ZNF804B: variants seen among roughly 807,000 people sequenced by gnomAD.
ZNF804B encodes the protein zinc finger 804B.
A neutral mutation model predicts 101.4 loss-of-function variants in ZNF804B; 80 were observed. The ratio of observed to expected loss-of-function variants is 0.79; its 90% CI spans 0.66 to 0.95. The LOEUF (loss-of-function observed/expected upper bound fraction) is 0.95, where lower values mean the gene tolerates loss of function less well. Among genes scored for constraint, ZNF804B ranks in the 40% least tolerant of loss-of-function variants. The pLI, the probability that ZNF804B is intolerant of heterozygous loss-of-function variation, is 0.00. For missense variants in ZNF804B, 1,673 were observed against 1,561.9 expected (o/e 1.07, Z -1.20); for synonymous variants, 622 against 558.8 (o/e 1.11, Z -1.59).
At chr7:88,781,253 G>C (rs1235596740) in intron 1 of ZNF804B, among the ~76,000 whole-genome samples, 1 of 152,170 alleles carries the variant, frequency 6.6e-6, no homozygotes, top group African/African-American at 2.4e-5. Context: ...TTAATTAAAT[G>C]ATCAGGGTCT....
At chr7:88,794,367 G>T in intron 1 of ZNF804B, 1 of 1,613,814 alleles carries the variant, frequency 6.2e-7, no homozygotes, top group Non-Finnish European at 8.5e-7. Context: ...GTCCTTTAGT[G>T]CCTACTTTCA....
At chr7:88,971,659 A>C (rs1421667402) in intron 1 of ZNF804B, among the ~76,000 whole-genome samples, 2 of 151,662 alleles carry the variant, frequency 1.3e-5, no homozygotes, top group African/African-American at 4.8e-5. Context: ...CCTAAGATAA[A>C]AATTGTATTC....
rs1473985754 is a variant in ZNF804B at position 89,065,424 on chromosome 7, A to C, written c.109-152731A>C. ...TAGGGCTTCTGCATGGATGCATCGT[A>C]TGTATTTTTTTTTCTTTTTGTATTC... On this transcript the variant is annotated intron_variant, in intron 1 of 3. Coordinates refer to ENST00000333190, the MANE Select transcript of ZNF804B (RefSeq NM_181646.5). Among the ~76,000 whole-genome samples, 6 of 152,106 alleles carry C rather than the reference A, an allele frequency of 3.9e-5. No homozygotes were observed. The East Asian group carries it at 1.2e-3, about 30-fold the overall frequency.
intron 1 of ZNF804B, among the ~76,000 whole-genome samples, chr7:89,107,962 T>C (rs1790160919): frequency 6.6e-6 from 1 of 152,196 alleles, no homozygotes; most frequent in African/African-American, 2.4e-5. Context: ...AAAGTTGTAC[T>C]GTGGGCCATA....
chr7:89,196,156 A>G (rs1455719435), intron 1 of ZNF804B, among the ~76,000 whole-genome samples: 1 of 152,168 alleles, frequency 6.6e-6, no homozygotes, highest in African/African-American at 2.4e-5. Context: ...TTCAAACTAT[A>G]CTTCAAGACT....
chr7:88,935,522 A>G (rs889970183), intron 1 of ZNF804B, among the ~76,000 whole-genome samples: 6 of 151,222 alleles, frequency 4.0e-5, no homozygotes, highest in Non-Finnish European at 7.4e-5. Flanking sequence ...CACTCTATTT[A>G]TTTTTTATTA....
intron 2 of ZNF804B, among the ~76,000 whole-genome samples, chr7:89,228,780 T>C (rs1265360845): frequency 6.6e-6 from 1 of 152,102 alleles, no homozygotes; most frequent in Admixed American, 6.5e-5. Context: ...TCCTCAGCCC[T>C]TGGGTGGTCG....
chr7:89,324,877 C>T (rs1249865093), intron 2 of ZNF804B, among the ~76,000 whole-genome samples: 1 of 151,286 alleles, frequency 6.6e-6, no homozygotes, highest in African/African-American at 2.4e-5. Context: ...TACTATGATT[C>T]AGCTAGTTAT....
chr7:89,160,268 A>G (rs888665540), intron 1 of ZNF804B, among the ~76,000 whole-genome samples: 1 of 152,114 alleles, frequency 6.6e-6, no homozygotes, highest in East Asian at 1.9e-4. Context: ...GTGTGCAATA[A>G]ATCAGGCTCA....
intron 2 of ZNF804B, among the ~76,000 whole-genome samples, chr7:89,252,872 G>A (rs1789563490): frequency 6.6e-6 from 1 of 152,068 alleles, no homozygotes; most frequent in African/African-American, 2.4e-5. Context: ...ATAGACACTG[G>A]AAATACTGGG....
chr7:89,129,455 A>ATG (rs1790514957), intron 1 of ZNF804B, among the ~76,000 whole-genome samples: 2 of 152,154 alleles, frequency 1.3e-5, no homozygotes, highest in South Asian at 4.1e-4. Context: ...ATGAAAATAA[A>ATG]TGTGCACTTC....
At chr7:88,918,939 G>C (rs1393255875) in intron 1 of ZNF804B, among the ~76,000 whole-genome samples, 2 of 152,050 alleles carry the variant, frequency 1.3e-5, no homozygotes, top group Non-Finnish European at 1.5e-5. Flanking sequence ...TCCTTCATCA[G>C]CAAAAGACAA....
At chr7:88,870,342 G>A (rs377044455) in intron 1 of ZNF804B, among the ~76,000 whole-genome samples, 2,206 of 130,138 alleles carry the variant, frequency 0.017, 49 homozygotes, top group African/African-American at 0.043. Context: ...TCGAGATCGC[G>A]CCACTGCACT....
intron 1 of ZNF804B, among the ~76,000 whole-genome samples, chr7:89,190,167 T>G (rs1788432903): frequency 6.6e-6 from 1 of 151,830 alleles, no homozygotes; most frequent in Non-Finnish European, 1.5e-5. Context: ...AAACCCTATC[T>G]TTACTAAAAA....
chr7:89,004,916 A>G (rs563490346), intron 1 of ZNF804B, among the ~76,000 whole-genome samples: 2 of 152,042 alleles, frequency 1.3e-5, no homozygotes, highest in South Asian at 4.1e-4. Context: ...ATTCTTGGCT[A>G]TATTTTGTGT....
At chr7:89,326,579 C>T (rs1790899502) in intron 2 of ZNF804B, among the ~76,000 whole-genome samples, 1 of 152,032 alleles carries the variant, frequency 6.6e-6, no homozygotes, top group South Asian at 2.1e-4. Context: ...CAGGATTAAG[C>T]CCCAAACTTC....
chr7:88,880,778 A>T (rs983132747), intron 1 of ZNF804B, among the ~76,000 whole-genome samples: 10 of 152,058 alleles, frequency 6.6e-5, no homozygotes, highest in African/African-American at 2.4e-4. Context: ...AAAATTGATG[A>T]CTTTCCATTT....
intron 1 of ZNF804B, among the ~76,000 whole-genome samples, chr7:89,117,999 T>C (rs1287246896): frequency 6.6e-6 from 1 of 152,148 alleles, no homozygotes; most frequent in Non-Finnish European, 1.5e-5. Flanking sequence ...TACAAAAGCA[T>C]GAATTATTTT....
chr7:89,307,027 G>A (rs1790574492), intron 2 of ZNF804B, among the ~76,000 whole-genome samples: 2 of 151,924 alleles, frequency 1.3e-5, no homozygotes, highest in South Asian at 4.1e-4. Flanking sequence ...ACACTCCCAA[G>A]AGTAAATGAA....
Sources: allele counts gnomAD v4.1 joint callset (sites outside exome capture counted in the v4.1 genomes callset), GRCh38; gene constraint gnomAD v4.1.1; transcripts MANE v1.5; gene names NCBI Gene and HGNC (gene_info 2026-07-23, HGNC 2026-07-21).